Variants in MRTFB observed in about 807,000 individuals in gnomAD.
The protein encoded by MRTFB is myocardin-related transcription factor B.
MRTFB carries 29 observed loss-of-function variants against 104.2 expected under a neutral mutation model. The observed-to-expected ratio is 0.28, with a 90% CI of 0.21 to 0.38. The LOEUF (loss-of-function observed/expected upper bound fraction) is 0.38, where lower values mean the gene tolerates loss of function less well. Ranked by LOEUF, MRTFB falls within the 10% of genes least tolerant of loss-of-function variation. The probability of loss-of-function intolerance (pLI) is 1.00; values close to 1 mark genes in which losing one functional copy is unlikely to be tolerated. For synonymous variants in MRTFB, 535 were observed against 519.5 expected (o/e 1.03, Z -0.41); for missense variants, 1,270 against 1,341.6 (o/e 0.95, Z 0.83).
intron 2 of MRTFB, among the ~76,000 whole-genome samples, chr16:14,091,608 G>A (rs1021977573): frequency 6.6e-6 from 1 of 152,116 alleles, no homozygotes; most frequent in African/African-American, 2.4e-5. Context: ...GTGGAGAAGG[G>A]TTGTTCTGGC....
chr16:14,260,331 G>C (rs574074502), intron 16 of MRTFB, among the ~76,000 whole-genome samples: 5 of 150,898 alleles, frequency 3.3e-5, no homozygotes, highest in African/African-American at 9.8e-5. Flanking sequence ...GGCTAAATTG[G>C]GTACCCAGTC....
At chr16:14,001,139 CATTTCAT>C in the MRTFB span, among the ~76,000 whole-genome samples, 2 of 152,236 alleles carry the variant, frequency 1.3e-5, no homozygotes, top group Non-Finnish European at 2.9e-5. Context: ...TGCAATGAGC[CATTTCAT>C]CAGTTAAGAC....
the MRTFB span, among the ~76,000 whole-genome samples, chr16:14,000,370 A>G: frequency 1.3e-5 from 2 of 152,106 alleles, no homozygotes; most frequent in South Asian, 4.1e-4. Context: ...CAAGGGATTG[A>G]TCCCCTCCAT....
chr16:14,213,478 T>C (rs1440401884), intron 5 of MRTFB, 67 bp from the exon 6 acceptor site: 3 of 1,152,512 alleles, frequency 2.6e-6, no homozygotes, highest in Non-Finnish European at 1.2e-6. Flanking sequence ...ATGGAATACC[T>C]TAAAGAACAT....
chr16:14,246,248 C>T (rs527968568), intron 11 of MRTFB, among the ~76,000 whole-genome samples: 1 of 152,276 alleles, frequency 6.6e-6, no homozygotes, highest in East Asian at 1.9e-4. Context: ...GACGTAAAAG[C>T]GGAATTACCC....
At chr16:14,183,649 T>G (rs1047049071) in intron 3 of MRTFB, among the ~76,000 whole-genome samples, 4 of 152,156 alleles carry the variant, frequency 2.6e-5, no homozygotes, top group African/African-American at 9.7e-5. Flanking sequence ...CCTGAACACT[T>G]AGGGTAAAGA....
At chr16:14,020,302 A>G in the MRTFB span, 1 of 152,046 alleles carries the variant, frequency 6.6e-6, no homozygotes, top group African/African-American at 2.4e-5. Context: ...TCCTTTATTT[A>G]TTTATTTTTT....
the MRTFB span, among the ~76,000 whole-genome samples, chr16:14,001,296 T>C: frequency 6.6e-6 from 1 of 152,182 alleles, no homozygotes; most frequent in East Asian, 1.9e-4. Flanking sequence ...ATGGAACCGA[T>C]ACCATCAGGA....
At position 14,261,181 on chromosome 16, in the gene MRTFB, G is replaced by A. The variant is rs144967017; in HGVS notation, c.3037G>A (p.Glu1013Lys). The change falls in exon 17 of 17, where the codon GAG (glutamate) becomes AAG (lysine). Residue 1013 changes from glutamate to lysine, a missense_variant. Physicochemically the swap from Glu to Lys is moderately conservative, Grantham distance 56 (BLOSUM62 1). Transcript: ENST00000571589. ...AGACAGAGAGCCCTTCTCTCTGATCGAGGACCTCCAGAATGATCTGCTGAG... is the reference window on the plus strand; with the variant it reads ...AGACAGAGAGCCCTTCTCTCTGATCAAGGACCTCCAGAATGATCTGCTGAG... ...SEDREPFSLI[E>K]DLQNDLLSHS... 9.3e-6 allele frequency: 15 copies of A among 1,614,012 alleles called. No individual in the cohort carries two copies. Among genetic ancestry groups the A allele is most frequent in the African/African-American group, 5.3e-5 (4 of 74,896 alleles).
chr16:14,082,712 G>A (rs893527892), intron 2 of MRTFB, among the ~76,000 whole-genome samples: 2 of 152,112 alleles, frequency 1.3e-5, no homozygotes, highest in African/African-American at 2.4e-5. Flanking sequence ...CCAGGAGTTC[G>A]AGGTTGCAGT....
intron 2 of MRTFB, among the ~76,000 whole-genome samples, chr16:14,117,099 C>G (rs1053182828): frequency 6.6e-6 from 1 of 152,220 alleles, no homozygotes; most frequent in Non-Finnish European, 1.5e-5. Context: ...ACACTCTGTT[C>G]TTCTCTTTGA....
the MRTFB span, among the ~76,000 whole-genome samples, chr16:14,041,862 G>A: frequency 1.3e-5 from 2 of 152,036 alleles, no homozygotes; most frequent in Non-Finnish European, 2.9e-5. Context: ...GGAGGCGGAG[G>A]TTGCAGAGAG....
At chr16:14,082,711 C>G (rs1471846706) in intron 2 of MRTFB, among the ~76,000 whole-genome samples, 1 of 152,066 alleles carries the variant, frequency 6.6e-6, no homozygotes, top group Non-Finnish European at 1.5e-5. Context: ...GCCAGGAGTT[C>G]GAGGTTGCAG....
chr16:14,188,128 A>G (rs902982059), intron 3 of MRTFB, among the ~76,000 whole-genome samples: 1 of 152,220 alleles, frequency 6.6e-6, no homozygotes, highest in Non-Finnish European at 1.5e-5. Flanking sequence ...TAAATGACAC[A>G]CAATGAAGTA....
chr16:14,119,828 C>T lies in MRTFB; in HGVS notation c.-63-20716C>T, dbSNP rs117079411. 5.7e-3 allele frequency among the ~76,000 whole-genome samples: 864 copies of T among 152,210 alleles called. 5 individuals carry two copies. Among genetic ancestry groups the T allele is most frequent in the Middle Eastern group, 0.024 (7 of 294 alleles). ...AATGGCCTCGCATAGCAGCTTTAGGCTAAACTGAATTTAACAGCACCTGCA... is the reference window on the plus strand; with the variant it reads ...AATGGCCTCGCATAGCAGCTTTAGGTTAAACTGAATTTAACAGCACCTGCA... On this transcript the variant is annotated intron_variant, in intron 2 of 16. Transcript: ENST00000571589.
intron 3 of MRTFB, among the ~76,000 whole-genome samples, chr16:14,162,152 C>CAAAAAAAA (rs376183467): frequency 1.6e-5 from 1 of 62,694 alleles, no homozygotes; most frequent in African/African-American, 4.4e-5. Flanking sequence ...CCTGTCTCTA[C>CAAAAAAAA]AAAAAAAAAA....
At chr16:14,002,662 C>A in the MRTFB span, among the ~76,000 whole-genome samples, 1 of 152,144 alleles carries the variant, frequency 6.6e-6, no homozygotes, top group East Asian at 1.9e-4. Context: ...ACTCTTGAAG[C>A]TTCCTCTCTC....
intron 3 of MRTFB, among the ~76,000 whole-genome samples, chr16:14,159,274 A>G (rs2038941081): frequency 6.6e-6 from 1 of 152,224 alleles, no homozygotes; most frequent in African/African-American, 2.4e-5. Flanking sequence ...GGTAGTCTAG[A>G]ACACAGAGCT....
the MRTFB span, among the ~76,000 whole-genome samples, chr16:14,014,579 C>A: frequency 2.0e-5 from 3 of 151,870 alleles, no homozygotes; most frequent in Non-Finnish European, 4.4e-5. Context: ...AAAAGCCAGG[C>A]GCAGTGGCTC....
Sources: gnomAD v4.1 joint callset for allele counts (sites outside exome capture counted in the v4.1 genomes callset) on GRCh38, gnomAD v4.1.1 for gene constraint, MANE v1.5 for transcripts, NCBI Gene and HGNC (gene_info 2026-07-23, HGNC 2026-07-21) for gene names.